SLC4A9: variants seen among roughly 807,000 people sequenced by gnomAD.
The protein encoded by SLC4A9 is anion exchange protein 4.
Under a neutral mutation model 103.2 loss-of-function variants are expected in SLC4A9, and 102 were observed. That is an observed-to-expected ratio of 0.99 (90% CI 0.84 to 1.17). The LOEUF is 1.17. SLC4A9 is among the 50% of genes most tolerant of loss of function. The pLI, the probability that SLC4A9 is intolerant of heterozygous loss-of-function variation, is 0.00. For synonymous variants in SLC4A9, 453 were observed against 483.6 expected, an observed-to-expected ratio of 0.94 and a Z score of 0.83; for missense variants, 1,091 against 1,193.7, an observed-to-expected ratio of 0.91 and a Z score of 1.27.
chr5:140,372,171 A>G (rs1204995264), intron 19 of SLC4A9, 71 bp from the exon 20 acceptor site: 8 of 1,364,946 alleles, frequency 5.9e-6, no homozygotes, highest in Admixed American at 3.3e-5. Flanking sequence ...GAAGTGCTCA[A>G]TAAGTGTTAC....
chr5:140,373,262 T>C (rs1452765844), intron 21 of SLC4A9, among the ~76,000 whole-genome samples: 2 of 152,230 alleles, frequency 1.3e-5, no homozygotes. Flanking sequence ...TCTCTATCAC[T>C]TGTCCTCTCT....
chr5:140,360,906 C>T lies in SLC4A9; in HGVS notation c.325C>T (p.Arg109Cys), dbSNP rs557556373. The change falls in exon 2 of 22, where the codon CGC (arginine) becomes TGC (cysteine). Residue 109 changes from arginine to cysteine, a missense_variant. Arg to Cys is a radical substitution (Grantham distance 180). Transcript: ENST00000506757. ...GGCACTGCCCAGCCTCCAGAAGCTCCGCAGCCTGCTGGCCGAGGGCCTTGT... is the reference window on the plus strand; with the variant it reads ...GGCACTGCCCAGCCTCCAGAAGCTCTGCAGCCTGCTGGCCGAGGGCCTTGT... ...TLALPSLQKL[R>C]SLLAEGLVLL... 3.9e-5 allele frequency: 62 copies of T among 1,608,164 alleles called. No homozygotes were observed. In the East Asian group the frequency reaches 1.1e-3, roughly 30 times the overall value.
At position 140,363,211 on chromosome 5, in the gene SLC4A9, G is replaced by C. The variant is rs1033740994; in HGVS notation, c.962+145G>C. 1.7e-6 allele frequency: 2 copies of C among 1,164,226 alleles called. No individual in the cohort carries two copies. Among genetic ancestry groups the C allele is most frequent in the African/African-American group, 1.6e-5 (1 of 63,508 alleles). The allele number at this position is 1,164,226 out of a possible 1,614,324, so 72.1% of individuals were successfully genotyped here. On this transcript the variant is annotated intron_variant, in intron 7 of 21. Transcript: ENST00000506757. The surrounding 1 kb of genome is among the most constrained non-coding windows in gnomAD (Gnocchi z 4.5). ...TCAGGCAGACCTAACTCTGAGTTCT[G>C]CTGGACTACTCTCTCGCTAAGAGAC... is the stretch of plus-strand genomic sequence containing the variant.
intron 6 of SLC4A9, 35 bp downstream of exon 6, chr5:140,362,567 C>T (rs549184660): frequency 6.8e-5 from 108 of 1,587,912 alleles, no homozygotes; most frequent in South Asian, 5.1e-4. Context: ...TGCGCGCGCA[C>T]GCGTGCATGC....
intron 17 of SLC4A9, 70 bp downstream of exon 17, chr5:140,368,729 T>A: frequency 7.5e-7 from 1 of 1,336,836 alleles, no homozygotes; most frequent in Non-Finnish European, 1.1e-6. Flanking sequence ...GAACTGACAG[T>A]AGTTGAATAC....
Position 140,371,640 on chromosome 5 carries a change from G to T in SLC4A9, c.2670+16G>T. 6.2e-7 allele frequency: 1 copy of T among 1,613,878 alleles called. No homozygotes were observed. The highest frequency in any genetic ancestry group is 8.5e-7 in the Non-Finnish European group (1 of 1,179,792). On this transcript the variant is annotated intron_variant, in intron 19 of 21. Transcript: ENST00000506757. ...CCCCCTCATGGTAAGCTGAGGCAGG[G>T]TTGGGCTGTGTCCTGGAGGGTCTTG...
intron 17 of SLC4A9, among the ~76,000 whole-genome samples, chr5:140,369,293 C>CA (rs542905543): frequency 1.4e-3 from 200 of 144,112 alleles, no homozygotes; most frequent in Middle Eastern, 3.5e-3. Context: ...AAAAAAAAAA[C>CA]AAAAAAAAAC....
chr5:140,371,355 T>C (rs2126795161), intron 18 of SLC4A9, 96 bp from the exon 19 acceptor site: 1 of 1,516,526 alleles, frequency 6.6e-7, no homozygotes, highest in East Asian at 2.3e-5. Context: ...CCATGCTCTC[T>C]GCCTGCTCCC....
chr5:140,374,690 CTTATCACTCTT>C (rs1769252385), intron 21 of SLC4A9, 126 bp from the exon 22 acceptor site: 1 of 152,020 alleles, frequency 6.6e-6, no homozygotes, highest in African/African-American at 2.4e-5. Context: ...CTCCTTATCT[CTTATCACTCTT>C]TTTGCTCTGT....
chr5:140,371,239 G>A, intron 18 of SLC4A9, 76 bp downstream of exon 18: 3 of 1,496,240 alleles, frequency 2.0e-6, no homozygotes, highest in Non-Finnish European at 2.7e-6. Context: ...AAATTACCTA[G>A]CAACCCTACT....
rs1475110899 is a variant in SLC4A9 at position 140,360,804 on chromosome 5, C to T, written c.231-8C>T. The T allele has an allele frequency of 5.6e-6, 9 of 1,613,380 alleles. No homozygotes were observed. The highest frequency in any genetic ancestry group is 6.8e-6 in the Non-Finnish European group (8 of 1,179,852). On this transcript the variant is annotated splice_region_variant and splice_polypyrimidine_tract_variant and intron_variant, in intron 1 of 21. Transcript: ENST00000506757. The stretch of plus-strand genomic sequence containing the variant: ...CTCAATAACACTGTCTACCCACCTT[C>T]ATCACAGGTGGGTACTGTTTGAGGA...
chr5:140,372,369 A>C lies in SLC4A9; in HGVS notation c.2798A>C (p.His933Pro), dbSNP rs34401528. 1 of 1,609,788 alleles carries C rather than the reference A, an allele frequency of 6.2e-7. No homozygotes were observed. The highest frequency in any genetic ancestry group is 8.5e-7 in the Non-Finnish European group (1 of 1,178,866). Residue 933 changes from histidine (H) to proline (P), a missense_variant, in exon 20 of 22, where the codon CAC (histidine) becomes CCC (proline). Physicochemically the swap from His to Pro is moderately conservative, Grantham distance 77. Transcript: ENST00000506757. ...CCTGAGAAGGGGCTGGAGCCAGAAC[A>C]CTCATTCAGTGGAAGTGACAGTGAA... ...SIPEKGLEPE[H>P]SFSGSDSEDS...
At chr5:140,373,269 C>T (rs1173263779) in intron 21 of SLC4A9, among the ~76,000 whole-genome samples, 2 of 152,238 alleles carry the variant, frequency 1.3e-5, no homozygotes, top group Non-Finnish European at 2.9e-5. Context: ...CACTTGTCCT[C>T]TCTGCCATTC....
intron 20 of SLC4A9, 127 bp from the exon 21 acceptor site, chr5:140,372,617 AG>A (rs1357467646): frequency 6.9e-7 from 1 of 1,441,534 alleles, no homozygotes; most frequent in East Asian, 2.6e-5. Context: ...CTGAGGCTTC[AG>A]CTCAAGTGGG....
In SLC4A9 at chr5:140,370,812, G is replaced by C. The variant is rs1768601696; in HGVS notation, c.2428-283G>C. On this transcript the variant is annotated intron_variant, in intron 17 of 21. Coordinates refer to ENST00000506757, the MANE Select transcript of SLC4A9 (RefSeq NM_031467.3). ...GGGAGCATAAAGAACAGAAGGAAAT[G>C]TGATAGATAAGATTGGAATGGTAGG... The C allele has an allele frequency of 7.0e-6, 3 of 428,750 alleles. No individual in the cohort carries two copies. In the East Asian group the frequency reaches 1.2e-4, roughly 17 times the overall value. 26.6% of individuals were successfully genotyped at this position (428,750 alleles called of 1,614,324 possible).
Position 140,361,828 on chromosome 5 carries a change from G to T in SLC4A9, c.526G>T (p.Ala176Ser). The T allele has an allele frequency of 1.2e-6, 2 of 1,613,994 alleles. No homozygotes were observed. Among genetic ancestry groups the T allele is most frequent in the Non-Finnish European group, 1.7e-6 (2 of 1,179,896 alleles). ...PCWGSTHPRKASDNEEAPLRE... is the reference protein window; with the variant it reads ...PCWGSTHPRKSSDNEEAPLRE... ...TGTAGGCTCTACTCATCCAAGAAAG[G>T]CTTCTGACAATGAGGAAGCCCCCCT... The change falls in exon 4 of 22, where the codon GCT (alanine) becomes TCT (serine). Residue 176 changes from alanine to serine, a missense_variant. Ala to Ser is a moderately conservative substitution (Grantham distance 99, BLOSUM62 1). Coordinates refer to ENST00000506757, the MANE Select transcript of SLC4A9 (RefSeq NM_031467.3).
chr5:140,361,197 G>C lies in SLC4A9; in HGVS notation c.392-57G>C, dbSNP rs1023920673. The C allele has an allele frequency of 2.0e-5, 29 of 1,448,578 alleles. No homozygotes were observed. In the Admixed American group the frequency reaches 5.7e-4, roughly 29 times the overall value. 89.7% of individuals were successfully genotyped at this position (1,448,578 alleles called of 1,614,324 possible). ...AGGTGTCTGGGCAGAGGGAGAAGGGGAAGAGTGTGCGGCAGGGAACTCTCA... is the reference window on the plus strand; with the variant it reads ...AGGTGTCTGGGCAGAGGGAGAAGGGCAAGAGTGTGCGGCAGGGAACTCTCA... On this transcript the variant is annotated intron_variant, in intron 2 of 21. Coordinates refer to ENST00000506757, the MANE Select transcript of SLC4A9 (RefSeq NM_031467.3).
intron 17 of SLC4A9, among the ~76,000 whole-genome samples, chr5:140,370,203 C>G (rs966647554): frequency 6.6e-6 from 1 of 152,010 alleles, no homozygotes; most frequent in East Asian, 1.9e-4. Context: ...GTGGCTCACG[C>G]CTGTAATCCC....
chr5:140,360,567 G>A lies in SLC4A9; in HGVS notation c.230+101G>A, dbSNP rs575558530. 7 of 1,214,850 alleles carry A rather than the reference G, an allele frequency of 5.8e-6. No individual in the cohort carries two copies. In the Admixed American group the frequency reaches 6.9e-5, roughly 12 times the overall value. 75.3% of individuals were successfully genotyped at this position (1,214,850 alleles called of 1,614,324 possible). A position where few individuals can be genotyped will look rare whatever the true frequency, so the allele number is the denominator to read the frequency against. ...TTCTTATGGGGCTGCCCAAAATTAGGATTTTCCCAGCTGTGTTCCCTTATT... is the reference window on the plus strand; with the variant it reads ...TTCTTATGGGGCTGCCCAAAATTAGAATTTTCCCAGCTGTGTTCCCTTATT... On this transcript the variant is annotated intron_variant, in intron 1 of 21. Transcript: ENST00000506757.
Sources: gnomAD v4.1 joint callset for allele counts (sites outside exome capture counted in the v4.1 genomes callset) on GRCh38, gnomAD v4.1.1 for gene constraint, Gnocchi (gnomAD v3.1) non-coding constraint, MANE v1.5 for transcripts, NCBI Gene and HGNC (gene_info 2026-07-23, HGNC 2026-07-21) for gene names.